Variants in WDR59 observed in about 807,000 individuals in gnomAD.
The protein encoded by WDR59 is WD repeat domain 59.
Under a neutral mutation model 131.2 loss-of-function variants are expected in WDR59, and 100 were observed. That is an observed-to-expected ratio of 0.76 (90% CI 0.65 to 0.90). The LOEUF (loss-of-function observed/expected upper bound fraction) is 0.90, where lower values mean the gene tolerates loss of function less well. Among genes scored for constraint, WDR59 ranks in the 40% least tolerant of loss-of-function variants. The probability of loss-of-function intolerance (pLI) is 0.00; values close to 1 mark genes in which losing one functional copy is unlikely to be tolerated. For synonymous variants in WDR59, 601 were observed against 466.2 expected (o/e 1.29, Z -3.72); for missense variants, 1,203 against 1,262.2 (o/e 0.95, Z 0.71).
At chr16:74,881,783 G>C (rs190240057) in intron 25 of WDR59, among the ~76,000 whole-genome samples, 166 of 148,142 alleles carry the variant, frequency 1.1e-3, no homozygotes, top group African/African-American at 3.9e-3. Flanking sequence ...TGAGGTAGGA[G>C]AATCGCTTGA....
chr16:74,974,346 G>A (rs1271685513), intron 1 of WDR59, among the ~76,000 whole-genome samples: 1 of 152,104 alleles, frequency 6.6e-6, no homozygotes, highest in Non-Finnish European at 1.5e-5. Context: ...ATTTTGTCAG[G>A]CCAAGTGTGT....
intron 8 of WDR59, among the ~76,000 whole-genome samples, chr16:74,930,282 T>A (rs780244859): frequency 6.6e-6 from 1 of 152,202 alleles, no homozygotes; most frequent in African/African-American, 2.4e-5. Flanking sequence ...ACTCATTATA[T>A]GCCTGTATCA....
intron 1 of WDR59, among the ~76,000 whole-genome samples, chr16:74,966,585 C>G: frequency 6.6e-6 from 1 of 152,162 alleles, no homozygotes; most frequent in Non-Finnish European, 1.5e-5. Context: ...AAAGAGCCTT[C>G]TTGCAAGTGA....
chr16:74,919,258 C>G (rs1375867428), intron 10 of WDR59, among the ~76,000 whole-genome samples: 1 of 152,026 alleles, frequency 6.6e-6, no homozygotes, highest in Non-Finnish European at 1.5e-5. Flanking sequence ...AAAACCGGTT[C>G]CTGCTGCCCC....
At chr16:74,918,375 G>C (rs933236222) in intron 10 of WDR59, among the ~76,000 whole-genome samples, 1 of 152,230 alleles carries the variant, frequency 6.6e-6, no homozygotes, top group African/African-American at 2.4e-5. Flanking sequence ...AGCAGGTAAA[G>C]AGCGATGCTG....
At chr16:74,933,374 A>C (rs1225136543) in intron 8 of WDR59, among the ~76,000 whole-genome samples, 2 of 152,170 alleles carry the variant, frequency 1.3e-5, no homozygotes, top group African/African-American at 4.8e-5. Flanking sequence ...TGAGCACATC[A>C]TTTGTTTAAA....
chr16:74,951,364 T>C (rs1481235898), intron 4 of WDR59, 94 bp downstream of exon 4: 3 of 1,254,080 alleles, frequency 2.4e-6, no homozygotes, highest in Non-Finnish European at 3.4e-6. Context: ...ACACAGACAG[T>C]CAAGCCATGC....
chr16:74,930,839 G>A (rs985089549), intron 8 of WDR59: 1 of 138,034 alleles, frequency 7.2e-6, no homozygotes, highest in Non-Finnish European at 1.5e-5. Flanking sequence ...GTTGCAGTGA[G>A]CTGAGATTGT....
At position 74,916,391 on chromosome 16, in the gene WDR59, C is replaced by CA; in HGVS notation, c.967-133dup. On this transcript the variant is annotated intron_variant, in intron 11 of 25. Coordinates refer to ENST00000262144, the MANE Select transcript of WDR59 (RefSeq NM_030581.4). ...TGTGTCAGCCAAGAGCTGACATAAT[C>CA]AAAATAGATTTTACCCATTGCCAAC... is the stretch of plus-strand genomic sequence containing the variant. 3 of 1,174,280 alleles carry CA rather than the reference C, an allele frequency of 2.6e-6. No individual in the cohort carries two copies. The South Asian group carries it at 4.2e-5, about 16-fold the overall frequency. The allele number at this position is 1,174,280 out of a possible 1,614,324, so 72.7% of individuals were successfully genotyped here. A position where few individuals can be genotyped will look rare whatever the true frequency, so the allele number is the denominator to read the frequency against.
At chr16:74,874,772 G>C (rs1332992813) in intron 25 of WDR59, among the ~76,000 whole-genome samples, 3 of 152,122 alleles carry the variant, frequency 2.0e-5, no homozygotes, top group African/African-American at 7.2e-5. Flanking sequence ...TGTATTTTTA[G>C]TAGAGACGGG....
At chr16:74,925,049 T>C (rs1203759428) in intron 8 of WDR59, among the ~76,000 whole-genome samples, 4 of 152,222 alleles carry the variant, frequency 2.6e-5, no homozygotes, top group African/African-American at 4.8e-5. Context: ...ATGTTTATAG[T>C]GGCTCTATTC....
intron 18 of WDR59, 33 bp downstream of exon 18, chr16:74,903,914 G>A: frequency 6.3e-7 from 1 of 1,587,256 alleles, no homozygotes; most frequent in Non-Finnish European, 8.6e-7. Flanking sequence ...AGGAGAAGGG[G>A]TAAGAATCAA....
chr16:74,932,128 C>T (rs1385471914), intron 8 of WDR59, among the ~76,000 whole-genome samples: 3 of 151,484 alleles, frequency 2.0e-5, no homozygotes, highest in East Asian at 3.9e-4. Context: ...TAGGGTCTCA[C>T]TCTTACCTAA....
intron 19 of WDR59, among the ~76,000 whole-genome samples, chr16:74,893,126 C>A (rs141285312): frequency 1.0e-3 from 158 of 152,276 alleles, no homozygotes; most frequent in African/African-American, 3.6e-3. Flanking sequence ...AATACTCCAC[C>A]CCCTTTGAAT....
intron 8 of WDR59, among the ~76,000 whole-genome samples, chr16:74,929,900 A>G (rs987706214): frequency 6.6e-6 from 1 of 152,216 alleles, no homozygotes; most frequent in Non-Finnish European, 1.5e-5. Flanking sequence ...GAACTAGAGG[A>G]CATTATGTTC....
intron 2 of WDR59, chr16:74,959,465 A>C (rs1409375434): frequency 2.3e-6 from 1 of 436,946 alleles, no homozygotes; most frequent in Non-Finnish European, 4.5e-6. Flanking sequence ...AATGCAACAG[A>C]AAGGAAAAAA....
intron 1 of WDR59, among the ~76,000 whole-genome samples, chr16:74,971,978 G>A (rs1048042611): frequency 6.6e-6 from 1 of 152,166 alleles, no homozygotes; most frequent in African/African-American, 2.4e-5. Flanking sequence ...CAAGGGGCTA[G>A]GGTTATGGGC....
At chr16:74,915,153 C>A (rs1486365693) in intron 13 of WDR59, among the ~76,000 whole-genome samples, 1 of 152,162 alleles carries the variant, frequency 6.6e-6, no homozygotes, top group South Asian at 2.1e-4. Context: ...CAGCACAGCA[C>A]AGCACAGCAC....
chr16:74,975,697 A>T (rs537919172), intron 1 of WDR59, among the ~76,000 whole-genome samples: 9 of 151,974 alleles, frequency 5.9e-5, no homozygotes, highest in African/African-American at 1.9e-4. Context: ...AGAAAAAAAA[A>T]TTTAAAAAAG....
Sources: gnomAD v4.1 joint callset for allele counts (sites outside exome capture counted in the v4.1 genomes callset) on GRCh38, gnomAD v4.1.1 for gene constraint, MANE v1.5 for transcripts, NCBI Gene and HGNC (gene_info 2026-07-23, HGNC 2026-07-21) for gene names.